The following HPSE2 variants were observed in gnomAD, a reference collection of about 807,000 sequenced individuals.
HPSE2 encodes inactive heparanase-2.
HPSE2 carries 38 observed loss-of-function variants against 60.5 expected under a neutral mutation model. The observed-to-expected ratio is 0.63, with a 90% CI of 0.48 to 0.82. The LOEUF is 0.82. Among genes scored for constraint, HPSE2 ranks in the 40% least tolerant of loss-of-function variants. HPSE2 has a pLI of 0.00. For missense variants in HPSE2, 713 were observed against 740.4 expected, an observed-to-expected ratio of 0.96 and a Z score of 0.43; for synonymous variants, 295 against 293.2, an observed-to-expected ratio of 1.01 and a Z score of -0.06.
At chr10:99,163,846 A>G (rs1846947847) in intron 2 of HPSE2, among the ~76,000 whole-genome samples, 1 of 152,060 alleles carries the variant, frequency 6.6e-6, no homozygotes, top group Non-Finnish European at 1.5e-5. Flanking sequence ...TTGGGCTGAC[A>G]GAAGTTTCTT....
At chr10:99,107,431 C>G (rs979010950) in intron 3 of HPSE2, among the ~76,000 whole-genome samples, 2 of 152,182 alleles carry the variant, frequency 1.3e-5, no homozygotes, top group South Asian at 2.1e-4. Context: ...AATTATCTCC[C>G]TATTTCCCAT....
intron 3 of HPSE2, among the ~76,000 whole-genome samples, chr10:98,969,799 T>C (rs1199420762): frequency 6.6e-6 from 1 of 152,062 alleles, no homozygotes; most frequent in African/African-American, 2.4e-5. Context: ...GAAAAGAGGT[T>C]TAATTGGCTC....
chr10:99,178,360 G>C (rs562119176), intron 2 of HPSE2, among the ~76,000 whole-genome samples: 22 of 151,756 alleles, frequency 1.4e-4, no homozygotes, highest in African/African-American at 4.1e-4. Context: ...TAACAAAATA[G>C]ATAGGCCACT....
At chr10:98,668,002 T>C (rs1277485448) in intron 6 of HPSE2, among the ~76,000 whole-genome samples, 1 of 152,162 alleles carries the variant, frequency 6.6e-6, no homozygotes, top group Non-Finnish European at 1.5e-5. Context: ...TTCTCTTTGC[T>C]GATGATATAA....
chr10:98,800,492 A>T (rs1365644211), intron 3 of HPSE2, among the ~76,000 whole-genome samples: 1 of 148,038 alleles, frequency 6.8e-6, no homozygotes, highest in Non-Finnish European at 1.5e-5. Context: ...TTTATACAAT[A>T]TATAAATATA....
intron 3 of HPSE2, among the ~76,000 whole-genome samples, chr10:99,042,056 C>T (rs1039291019): frequency 1.3e-5 from 2 of 152,204 alleles, no homozygotes; most frequent in African/African-American, 4.8e-5. Context: ...AGCCACCACA[C>T]TCCCACCTGA....
rs980895586 is a variant in HPSE2 at position 99,204,287 on chromosome 10, G to A, written c.448+28061C>T. On this transcript the variant is annotated intron_variant, in intron 2 of 11. Transcript: ENST00000370552. Reference sequence around the variant, plus strand: ...TCCAACCCCATGTAACCAGGTCCCAGGCCCACACACCTGCTGACTCAGGAA... The same window carrying A: ...TCCAACCCCATGTAACCAGGTCCCAAGCCCACACACCTGCTGACTCAGGAA... Among the ~76,000 whole-genome samples the A allele has an allele frequency of 1.3e-5, 2 of 152,154 alleles. 1 individual carries two copies. Among genetic ancestry groups the A allele is most frequent in the East Asian group, 3.9e-4 (2 of 5,180 alleles).
At chr10:98,899,134 C>T (rs768935151) in intron 3 of HPSE2, among the ~76,000 whole-genome samples, 17 of 152,196 alleles carry the variant, frequency 1.1e-4, no homozygotes, top group Non-Finnish European at 2.2e-4. Context: ...ATGTGGTCTT[C>T]GTTCCAGCAA....
intron 2 of HPSE2, among the ~76,000 whole-genome samples, chr10:99,205,921 G>A (rs763540565): frequency 3.9e-5 from 6 of 152,226 alleles, no homozygotes; most frequent in African/African-American, 4.8e-5. Flanking sequence ...ATCTCTTATG[G>A]TTCTCACATA....
Position 98,459,368 on chromosome 10 carries a change from A to C in HPSE2, c.*206T>G, listed in dbSNP as rs1365686482. 3 of 647,430 alleles carry C rather than the reference A, an allele frequency of 4.6e-6. No individual in the cohort carries two copies. The highest frequency in any genetic ancestry group is 8.4e-6 in the Non-Finnish European group (3 of 358,416). 40.1% of individuals were successfully genotyped at this position (647,430 alleles called of 1,614,324 possible). On this transcript the variant is annotated 3_prime_UTR_variant, in exon 12 of 12. Transcript: ENST00000370552. Reference sequence around the variant, plus strand: ...TTATATAGGTACAGGTGATGTCTACATTTTCCTTTGGGATGGATGTGGCCT... The same window carrying C: ...TTATATAGGTACAGGTGATGTCTACCTTTTCCTTTGGGATGGATGTGGCCT...
chr10:98,563,421 C>T (rs189731355), intron 9 of HPSE2, among the ~76,000 whole-genome samples: 4 of 152,022 alleles, frequency 2.6e-5, no homozygotes, highest in East Asian at 3.9e-4. Flanking sequence ...GGGTTGGGGG[C>T]GTACCGGTAG....
At chr10:98,886,280 G>T (rs1953162816) in intron 3 of HPSE2, among the ~76,000 whole-genome samples, 2 of 151,998 alleles carry the variant, frequency 1.3e-5, no homozygotes, top group African/African-American at 4.8e-5. Context: ...CTATATTCCA[G>T]ATACATCCAA....
chr10:98,608,643 G>A (rs1014816038), intron 9 of HPSE2, among the ~76,000 whole-genome samples: 6 of 152,184 alleles, frequency 3.9e-5, no homozygotes, highest in Non-Finnish European at 8.8e-5. Flanking sequence ...GAGTCTCAGT[G>A]ATTGATCCTG....
intron 2 of HPSE2, among the ~76,000 whole-genome samples, chr10:99,215,301 C>A (rs1404862077): frequency 1.3e-5 from 2 of 152,142 alleles, no homozygotes; most frequent in African/African-American, 4.8e-5. Flanking sequence ...GGAATGAAAT[C>A]ATGCTTTGCA....
At chr10:98,462,579 C>A (rs570409736) in intron 11 of HPSE2, among the ~76,000 whole-genome samples, 44 of 152,346 alleles carry the variant, frequency 2.9e-4, no homozygotes, top group South Asian at 2.1e-4. Flanking sequence ...GGTCTCCATT[C>A]TCAAAACCCT....
At chr10:98,599,600 T>C (rs1355475588) in intron 9 of HPSE2, among the ~76,000 whole-genome samples, 1 of 152,160 alleles carries the variant, frequency 6.6e-6, no homozygotes, top group Non-Finnish European at 1.5e-5. Context: ...GTTGAGGGTC[T>C]GAAGCAAAGT....
At chr10:98,687,036 T>C (rs1431224204) in intron 6 of HPSE2, among the ~76,000 whole-genome samples, 3 of 151,582 alleles carry the variant, frequency 2.0e-5, no homozygotes, top group Non-Finnish European at 2.9e-5. Context: ...TGATAGTGGA[T>C]TTTTCTATTT....
chr10:98,681,217 A>G (rs1947779602), intron 6 of HPSE2, among the ~76,000 whole-genome samples: 1 of 152,208 alleles, frequency 6.6e-6, no homozygotes, highest in Non-Finnish European at 1.5e-5. Context: ...GTGGCTGATT[A>G]TAAAATTTGA....
chr10:98,923,460 C>T (rs1307194956), intron 3 of HPSE2, among the ~76,000 whole-genome samples: 2 of 152,270 alleles, frequency 1.3e-5, no homozygotes, highest in South Asian at 2.1e-4. Flanking sequence ...TTCTCTGATA[C>T]TATCCCTTTG....
Sources: allele counts gnomAD v4.1 joint callset (sites outside exome capture counted in the v4.1 genomes callset), GRCh38; gene constraint gnomAD v4.1.1; transcripts MANE v1.5; gene names NCBI Gene and HGNC (gene_info 2026-07-23, HGNC 2026-07-21).